PPP1R16B: variants seen among roughly 807,000 people sequenced by gnomAD.
The protein encoded by PPP1R16B is protein phosphatase 1 regulatory inhibitor subunit 16B.
A neutral mutation model predicts 61.7 loss-of-function variants in PPP1R16B; 14 were observed. That is an observed-to-expected ratio of 0.23 (90% CI 0.15 to 0.35). The LOEUF is 0.35. Ranked by LOEUF, PPP1R16B falls within the 10% of genes least tolerant of loss-of-function variation. PPP1R16B has a pLI of 1.00. For synonymous variants in PPP1R16B, 266 were observed against 305.3 expected (o/e 0.87, Z 1.34); for missense variants, 547 against 752.5 (o/e 0.73, Z 3.19).
intron 3 of PPP1R16B, among the ~76,000 whole-genome samples, chr20:38,893,232 A>G (rs1473646492): frequency 6.6e-6 from 1 of 152,188 alleles, no homozygotes. Context: ...GTGACATGCT[A>G]TTACTGTTGC....
In PPP1R16B at chr20:38,908,037, G is replaced by A; in HGVS notation, c.1038G>A (p.Val346=). Residue 346 remains valine, a synonymous_variant, in exon 10 of 11, where the codon GTG becomes GTA. Coordinates refer to ENST00000299824, the MANE Select transcript of PPP1R16B (RefSeq NM_015568.4). ...CACTTTGTCCTCTCAGGAAGGTGGTGCGGCGAGCCAGCCTGTCGGACAGGA... is the reference window on the plus strand; with the variant it reads ...CACTTTGTCCTCTCAGGAAGGTGGTACGGCGAGCCAGCCTGTCGGACAGGA... ...TSSAGSRGKV[V]RRASLSDRTN... is the part of the protein sequence containing the mutation. The A allele has an allele frequency of 6.2e-7, 1 of 1,614,224 alleles. No individual in the cohort carries two copies. Among genetic ancestry groups the A allele is most frequent in the Non-Finnish European group, 8.5e-7 (1 of 1,180,020 alleles).
In PPP1R16B at chr20:38,907,975, C is replaced by T. The variant is rs368022336; in HGVS notation, c.1028+40C>T. ...GGGCAGCCAGGAGTCCCTGTGTGTG[C>T]TCCTGCCTGTGGTGCCTGGGTGCAG... On this transcript the variant is annotated intron_variant, in intron 9 of 10. Coordinates refer to ENST00000299824, the MANE Select transcript of PPP1R16B (RefSeq NM_015568.4). This position sits in a 1 kb window ranked among gnomAD's most constrained non-coding sequence, Gnocchi z 4.5. 6.0e-5 allele frequency: 97 copies of T among 1,613,808 alleles called. No homozygotes were observed. The highest frequency in any genetic ancestry group is 7.8e-5 in the Non-Finnish European group (92 of 1,179,910).
intron 1 of PPP1R16B, among the ~76,000 whole-genome samples, chr20:38,824,958 C>T (rs2084796618): frequency 6.6e-6 from 1 of 152,246 alleles, no homozygotes; most frequent in Non-Finnish European, 1.5e-5. Context: ...CATACTAACA[C>T]ACTCCAGCCT....
rs781126120 is a variant in PPP1R16B, at chr20:38,918,424, G to T, written c.1462G>T (p.Ala488Ser). 1.2e-6 allele frequency: 2 copies of T among 1,614,024 alleles called. No homozygotes were observed. The highest frequency in any genetic ancestry group is 2.7e-5 in the African/African-American group (2 of 74,954). ...QTLLELKRQR[A>S]AAKLLSHPFL... ...GCTTCTGGAGCTGAAGCGGCAGCGG[G>T]CTGCAGCCAAGCTGCTCAGCCACCC... The change falls in exon 11 of 11, where the codon GCT becomes TCT. Residue 488 changes from alanine to serine, a missense_variant. By Grantham distance (99) the Ala-to-Ser change is moderately conservative. Coordinates refer to ENST00000299824, the MANE Select transcript of PPP1R16B (RefSeq NM_015568.4). The surrounding 1 kb of genome is among the most constrained non-coding windows in gnomAD (Gnocchi z 5.3).
At chr20:38,873,048 C>G (rs981081221) in intron 2 of PPP1R16B, 1 of 152,328 alleles carries the variant, frequency 6.6e-6, no homozygotes, top group African/African-American at 2.4e-5. Flanking sequence ...TCCGTCCCAC[C>G]TCTCCTGCCA....
At chr20:38,900,390 ATCCTGAAGCTG>A (rs1394282724) in intron 4 of PPP1R16B, among the ~76,000 whole-genome samples, 180 bp from the exon 5 acceptor site, 1 of 152,154 alleles carries the variant, frequency 6.6e-6, no homozygotes, top group East Asian at 1.9e-4. Context: ...GGACCCTGGG[ATCCTGAAGCTG>A]TCGTGCTCTT....
chr20:38,916,446 A>ATT (rs889719212), intron 10 of PPP1R16B, among the ~76,000 whole-genome samples: 5 of 149,816 alleles, frequency 3.3e-5, no homozygotes, highest in African/African-American at 7.4e-5. Flanking sequence ...TATAAACTAG[A>ATT]TTATATATAT....
At chr20:38,909,359 GACCTAAT>G (rs1454833507) in intron 10 of PPP1R16B, among the ~76,000 whole-genome samples, 1 of 152,172 alleles carries the variant, frequency 6.6e-6, no homozygotes, top group African/African-American at 2.4e-5. Flanking sequence ...AATCCAGTAT[GACCTAAT>G]CTTAATTTAA....
chr20:38,837,614 C>T (rs955841703), intron 2 of PPP1R16B, among the ~76,000 whole-genome samples: 7 of 149,434 alleles, frequency 4.7e-5, no homozygotes, highest in Non-Finnish European at 1.0e-4. Flanking sequence ...GGTGTAATCT[C>T]GGCTCACTGC....
At chr20:38,904,123 G>C (rs1336243618) in intron 6 of PPP1R16B, among the ~76,000 whole-genome samples, 2 of 152,200 alleles carry the variant, frequency 1.3e-5, no homozygotes, top group African/African-American at 4.8e-5. Context: ...TATTACTTGG[G>C]TGCCTGCTTG....
At chr20:38,815,388 T>C (rs1374838860) in intron 1 of PPP1R16B, among the ~76,000 whole-genome samples, 1 of 152,246 alleles carries the variant, frequency 6.6e-6, no homozygotes, top group Non-Finnish European at 1.5e-5. Flanking sequence ...GATAAAAATG[T>C]ACCATCATTT....
At chr20:38,853,063 C>T (rs1262735935) in intron 2 of PPP1R16B, among the ~76,000 whole-genome samples, 4 of 151,994 alleles carry the variant, frequency 2.6e-5, no homozygotes, top group South Asian at 2.1e-4. Context: ...TGACCCATTG[C>T]GCCCGGCCCC....
At chr20:38,809,491 C>T (rs774113300) in intron 1 of PPP1R16B, among the ~76,000 whole-genome samples, 4 of 152,086 alleles carry the variant, frequency 2.6e-5, no homozygotes, top group Non-Finnish European at 4.4e-5. Flanking sequence ...AATGAGGACA[C>T]TGTGGGATAA....
intron 1 of PPP1R16B, among the ~76,000 whole-genome samples, chr20:38,815,121 G>A (rs571694203): frequency 2.1e-4 from 32 of 152,162 alleles, no homozygotes; most frequent in African/African-American, 7.5e-4. Flanking sequence ...AAGTATATAA[G>A]TGTATCATAA....
intron 3 of PPP1R16B, among the ~76,000 whole-genome samples, chr20:38,894,921 A>C (rs937907932): frequency 8.5e-5 from 13 of 152,232 alleles, no homozygotes; most frequent in African/African-American, 3.1e-4. Flanking sequence ...AGGCAGGAAC[A>C]CAAACATGGC....
chr20:38,911,455 C>T (rs570427505), intron 10 of PPP1R16B, among the ~76,000 whole-genome samples: 1 of 152,122 alleles, frequency 6.6e-6, no homozygotes, highest in African/African-American at 2.4e-5. Flanking sequence ...CGTGAGCCAC[C>T]ACGCCTGGCC....
In PPP1R16B at chr20:38,878,603, A is replaced by C. The variant is rs115229039; in HGVS notation, c.251-10992A>C. ...TAAATAATCTTGGGAAAATCATATA[A>C]GTTATCTGTCAAATGGTCTAATAAT... On this transcript the variant is annotated intron_variant, in intron 2 of 10. Coordinates refer to ENST00000299824, the MANE Select transcript of PPP1R16B (RefSeq NM_015568.4). Among the ~76,000 whole-genome samples the C allele has an allele frequency of 3.8e-3, 580 of 152,336 alleles. 5 individuals are homozygous for C. The highest frequency in any genetic ancestry group is 0.014 in the African/African-American group (568 of 41,566).
At chr20:38,862,689 G>A (rs1217325385) in intron 2 of PPP1R16B, among the ~76,000 whole-genome samples, 1 of 152,158 alleles carries the variant, frequency 6.6e-6, no homozygotes, top group Admixed American at 6.5e-5. Context: ...AATGAGGAAT[G>A]GGATGAAGAA....
At chr20:38,899,410 G>A (rs1467296443) in intron 4 of PPP1R16B, among the ~76,000 whole-genome samples, 1 of 152,190 alleles carries the variant, frequency 6.6e-6, no homozygotes, top group African/African-American at 2.4e-5. Flanking sequence ...CTGGGGCATG[G>A]GTTTAAAACA....
Sources: allele counts gnomAD v4.1 joint callset (sites outside exome capture counted in the v4.1 genomes callset), GRCh38; gene constraint gnomAD v4.1.1; non-coding constraint Gnocchi (gnomAD v3.1); transcripts MANE v1.5; gene names NCBI Gene and HGNC (gene_info 2026-07-23, HGNC 2026-07-21).